PLEKHG1: variants seen among roughly 807,000 people sequenced by gnomAD.
PLEKHG1 encodes the protein pleckstrin homology and RhoGEF domain containing G1.
In PLEKHG1, 44 loss-of-function variants were observed where a neutral mutation model predicts 100.8. That is an observed-to-expected ratio of 0.44 (90% CI 0.34 to 0.56). PLEKHG1 has a LOEUF of 0.56. Ranked by LOEUF, PLEKHG1 falls within the 20% of genes least tolerant of loss-of-function variation. The pLI, the probability that PLEKHG1 is intolerant of heterozygous loss-of-function variation, is 0.01. For missense variants in PLEKHG1, 1,545 were observed against 1,720.9 expected (o/e 0.90, Z 1.81); for synonymous variants, 640 against 662.5 (o/e 0.97, Z 0.52).
upstream of PLEKHG1, among the ~76,000 whole-genome samples, chr6:150,718,595 G>A (rs1465596842): frequency 6.6e-6 from 1 of 150,520 alleles, no homozygotes; most frequent in Non-Finnish European, 1.5e-5. Flanking sequence ...TCAGCCTCCC[G>A]AGTAGCTGGG....
intron 6 of PLEKHG1, among the ~76,000 whole-genome samples, chr6:150,802,664 A>ATTTCT (rs57482989): frequency 0.39 from 55,623 of 143,310 alleles, 12,192 homozygotes; most frequent in East Asian, 0.71. Context: ...CATTCACATC[A>ATTTCT]TTTTTTTTTT....
chr6:150,733,563 T>C, intron 1 of PLEKHG1, 21 bp from the exon 3 acceptor site: 1 of 1,568,444 alleles, frequency 6.4e-7, no homozygotes, highest in Non-Finnish European at 8.6e-7. Flanking sequence ...TTGTCCTTTT[T>C]ATTTTCTTTA....
chr6:150,790,996 C>T (rs559138764), intron 4 of PLEKHG1, among the ~76,000 whole-genome samples: 1 of 152,260 alleles, frequency 6.6e-6, no homozygotes, highest in South Asian at 2.1e-4. Context: ...GCACTCCAAG[C>T]CTGGGCGACA....
chr6:150,717,425 C>A (rs1252108435), upstream of PLEKHG1, among the ~76,000 whole-genome samples: 1 of 152,134 alleles, frequency 6.6e-6, no homozygotes, highest in African/African-American at 2.4e-5. Flanking sequence ...ATCCTTCCTT[C>A]CATCTCAGCC....
intron 3 of PLEKHG1, among the ~76,000 whole-genome samples, chr6:150,690,793 T>C (rs1780323323): frequency 6.6e-6 from 1 of 152,236 alleles, no homozygotes; most frequent in African/African-American, 2.4e-5. Flanking sequence ...AACAAGTTAT[T>C]TGGTTTGTTG....
chr6:150,817,006 G>A (rs892526281), intron 10 of PLEKHG1, among the ~76,000 whole-genome samples: 18 of 152,194 alleles, frequency 1.2e-4, no homozygotes, highest in Admixed American at 3.3e-4. Flanking sequence ...GAGCCATGAG[G>A]AGCCACTGTA....
chr6:150,696,488 A>G (rs760537611), intron 3 of PLEKHG1, among the ~76,000 whole-genome samples: 4 of 152,172 alleles, frequency 2.6e-5, no homozygotes, highest in Non-Finnish European at 5.9e-5. Flanking sequence ...CACACACGGC[A>G]CGCACGCACT....
At chr6:150,783,119 A>G (rs540906745) in intron 3 of PLEKHG1, among the ~76,000 whole-genome samples, 53 of 149,764 alleles carry the variant, frequency 3.5e-4, no homozygotes, top group Non-Finnish European at 4.1e-4. Flanking sequence ...TGAAAATCTG[A>G]TGGTTGAAAC....
At chr6:150,832,143 A>C in exon 15 of PLEKHG1, 1 of 1,613,360 alleles carries the variant, frequency 6.2e-7, no homozygotes, top group Non-Finnish European at 8.5e-7. Flanking sequence ...CAGCATCAGA[A>C]ATCCATGCAC....
chr6:150,730,604 T>A (rs559996882), intron 1 of PLEKHG1, among the ~76,000 whole-genome samples: 1 of 152,118 alleles, frequency 6.6e-6, no homozygotes, highest in African/African-American at 2.4e-5. Context: ...ACCCCTGTTA[T>A]AGAGAATATC....
At chr6:150,822,243 C>A (rs890397233) in intron 13 of PLEKHG1, among the ~76,000 whole-genome samples, 1 of 148,162 alleles carries the variant, frequency 6.7e-6, no homozygotes, top group African/African-American at 2.5e-5. Context: ...CATCCATATT[C>A]ATAATCAGAA....
chr6:150,767,886 A>G (rs1036863607), intron 2 of PLEKHG1, among the ~76,000 whole-genome samples: 2 of 152,158 alleles, frequency 1.3e-5, no homozygotes, highest in African/African-American at 4.8e-5. Context: ...CCTGCCTCCT[A>G]CAGAATCCTT....
intron 3 of PLEKHG1, among the ~76,000 whole-genome samples, chr6:150,707,001 T>C (rs1202732108): frequency 1.6e-5 from 2 of 127,226 alleles, no homozygotes; most frequent in African/African-American, 5.8e-5. Flanking sequence ...TCTTTTTCTT[T>C]TTTTTTTTTT....
intron 1 of PLEKHG1, chr6:150,632,816 A>G (rs1466445905): frequency 6.6e-6 from 1 of 152,268 alleles, no homozygotes; most frequent in Non-Finnish European, 1.5e-5. Context: ...GTGAAATGAT[A>G]CATGTCACTA....
chr6:150,829,217 C>T (rs1198299365), intron 14 of PLEKHG1, among the ~76,000 whole-genome samples: 2 of 152,228 alleles, frequency 1.3e-5, no homozygotes, highest in African/African-American at 4.8e-5. Context: ...TTAATCCTGT[C>T]TGCAGAATAG....
chr6:150,722,349 C>CTTTTTTTTTTTTTTTTTTTTTT (rs139069069), intron 1 of PLEKHG1, among the ~76,000 whole-genome samples: 20 of 90,640 alleles, frequency 2.2e-4, no homozygotes, highest in South Asian at 3.6e-4. Flanking sequence ...TTTTTCTTTT[C>CTTTTTTTTTTTTTTTTTTTTTT]TTTTTTTTTT....
upstream of PLEKHG1, among the ~76,000 whole-genome samples, chr6:150,719,808 G>A (rs913356465): frequency 4.6e-5 from 7 of 152,218 alleles, no homozygotes; most frequent in African/African-American, 1.7e-4. Context: ...TGCCTTCTCA[G>A]CATGCTGGAT....
At chr6:150,832,814 A>G (rs1777022672) in intron 15 of PLEKHG1, among the ~76,000 whole-genome samples, 1 of 147,088 alleles carries the variant, frequency 6.8e-6, no homozygotes, top group South Asian at 2.2e-4. Flanking sequence ...CTGAGGTGGG[A>G]CCAGAGGCAC....
At chr6:150,697,933 TTTTTTG>T (rs773943978) in intron 3 of PLEKHG1, among the ~76,000 whole-genome samples, 2 of 76,188 alleles carry the variant, frequency 2.6e-5, no homozygotes, top group Non-Finnish European at 2.9e-5. Flanking sequence ...GTGTTTTTTT[TTTTTTG>T]TTGTTGGGTT....
Sources: gnomAD v4.1 joint callset for allele counts (sites outside exome capture counted in the v4.1 genomes callset) on GRCh38, gnomAD v4.1.1 for gene constraint, MANE v1.5 for transcripts, NCBI Gene and HGNC (gene_info 2026-07-23, HGNC 2026-07-21) for gene names.